PINK1: variants seen among roughly 807,000 people sequenced by gnomAD.
The protein encoded by PINK1 is PTEN induced kinase 1.
Under a neutral mutation model 56.0 loss-of-function variants are expected in PINK1, and 58 were observed. The observed-to-expected ratio is 1.04, with a 90% confidence interval of 0.84 to 1.29. PINK1 has a LOEUF of 1.29. Ranked by LOEUF, PINK1 falls within the 50% of genes most tolerant of loss-of-function variation. The pLI is 0.00. For missense variants in PINK1, 745 were observed against 777.9 expected (o/e 0.96, Z 0.50); for synonymous variants, 354 against 339.3 (o/e 1.04, Z -0.48).
At chr1:20,644,779 C>G (rs2053158028) in intron 4 of PINK1, 107 bp downstream of exon 4, 1 of 1,394,290 alleles carries the variant, frequency 7.2e-7, no homozygotes, top group Non-Finnish European at 9.8e-7. Flanking sequence ...AGAACAGGGT[C>G]ATCACCCTTC....
At chr1:20,634,071 G>T in intron 1 of PINK1, 136 bp downstream of exon 1, 3 of 1,052,128 alleles carry the variant, frequency 2.9e-6, no homozygotes, top group Non-Finnish European at 2.7e-6. Flanking sequence ...GGTCCTTAAA[G>T]CTCATCTATT....
chr1:20,639,814 G>A (rs1297156720), intron 2 of PINK1, 78 bp from the exon 3 acceptor site: 1 of 1,324,844 alleles, frequency 7.5e-7, no homozygotes, highest in Non-Finnish European at 1.1e-6. Context: ...CCCTGCTCCA[G>A]GTTACAGGCA....
chr1:20,651,243 A>AAAC lies in PINK1; in HGVS notation c.*553_*555dup, dbSNP rs1346017725. On this transcript the variant is annotated 3_prime_UTR_variant, in exon 8 of 8. Coordinates refer to ENST00000321556, the MANE Select transcript of PINK1 (RefSeq NM_032409.3). ...AGTAAGTAAGTAAGTGTGGGGATTT[A>AAAC]AACTTGAGGGTTTCCCTCCTGACTA... is the stretch of plus-strand genomic sequence containing the variant. 1 of 170,680 alleles carries AAAC rather than the reference A, an allele frequency of 5.9e-6. No homozygotes were observed. The highest frequency in any genetic ancestry group is 2.4e-5 in the African/African-American group (1 of 41,876). The allele number at this position is 170,680 out of a possible 1,614,324, so 10.6% of individuals were successfully genotyped here.
chr1:20,645,504 A>AG, intron 4 of PINK1, 56 bp from the exon 5 acceptor site: 1 of 1,517,242 alleles, frequency 6.6e-7, no homozygotes. Context: ...AAAAAAAAAA[A>AG]CGTATTGGGA....
rs555821412 is a variant in PINK1 at position 20,641,624 on chromosome 1, T to G, written c.776+1632T>G. Among the ~76,000 whole-genome samples, 1 of 152,268 alleles carries G rather than the reference T, an allele frequency of 6.6e-6. No homozygotes were observed. The highest frequency in any genetic ancestry group is 1.5e-5 in the Non-Finnish European group (1 of 68,022). ...ACATTACCTCAACTTCTGGTACACC[T>G]TGGGAGAAGCTTTCCCAAGAACACC... On this transcript the variant is annotated intron_variant, in intron 3 of 7. Coordinates refer to ENST00000321556, the MANE Select transcript of PINK1 (RefSeq NM_032409.3). The surrounding 1 kb of genome is among the most constrained non-coding windows in gnomAD (Gnocchi z 4.0).
At chr1:20,639,823 C>T in intron 2 of PINK1, 69 bp from the exon 3 acceptor site, 1 of 1,419,284 alleles carries the variant, frequency 7.0e-7, no homozygotes, top group South Asian at 1.2e-5. Context: ...AGGTTACAGG[C>T]AGGGCTTACA....
At chr1:20,637,577 C>T (rs1023898864) in intron 1 of PINK1, among the ~76,000 whole-genome samples, 5 of 152,128 alleles carry the variant, frequency 3.3e-5, no homozygotes, top group South Asian at 2.1e-4. Context: ...GGCTGCGGGA[C>T]GTGGGGTTTC....
intron 3 of PINK1, among the ~76,000 whole-genome samples, chr1:20,642,098 A>G (rs2053121280): frequency 6.6e-6 from 1 of 152,188 alleles, no homozygotes; most frequent in Non-Finnish European, 1.5e-5. Flanking sequence ...GCGCGTGGGC[A>G]CACGTGGACT....
rs1409388468 is a variant in PINK1, at chr1:20,651,431, A to C, written c.*740A>C. 6.6e-6 allele frequency: 1 copy of C among 152,560 alleles called. No individual in the cohort carries two copies. Among genetic ancestry groups the C allele is most frequent in the Non-Finnish European group, 1.5e-5 (1 of 68,356 alleles). The allele number at this position is 152,560 out of a possible 1,614,324, so 9.5% of individuals were successfully genotyped here. On this transcript the variant is annotated 3_prime_UTR_variant, in exon 8 of 8. Transcript: ENST00000321556. ...CATTGGGGAAGAGATTTCATGTCTAACTAACTAACTTTATACATGATTTTT... is the reference window on the plus strand; with the variant it reads ...CATTGGGGAAGAGATTTCATGTCTACCTAACTAACTTTATACATGATTTTT...
intron 1 of PINK1, among the ~76,000 whole-genome samples, chr1:20,637,555 G>A (rs2053068578): frequency 6.6e-6 from 1 of 152,224 alleles, no homozygotes; most frequent in South Asian, 2.1e-4. Context: ...AGGCAGCAAG[G>A]AGAGGTGCAC....
rs1255530845 is a variant in PINK1 at position 20,633,672 on chromosome 1, C to T, written c.124C>T (p.Arg42Cys). ...GCCGGGCCCGGCGGCGGGCTGTGTCCGCGGGGAGCGTCCAGGCTGGGCCGC... is the reference window on the plus strand; with the variant it reads ...GCCGGGCCCGGCGGCGGGCTGTGTCTGCGGGGAGCGTCCAGGCTGGGCCGC... ...GRPGPAAGCV[R>C]GERPGWAAGP... The change falls in exon 1 of 8, where the codon CGC (arginine) becomes TGC (cysteine). Residue 42 changes from arginine to cysteine, a missense_variant. Transcript: ENST00000321556. 3.6e-6 allele frequency: 5 copies of T among 1,385,230 alleles called. No homozygotes were observed. Among genetic ancestry groups the T allele is most frequent in the Non-Finnish European group, 4.6e-6 (5 of 1,078,146 alleles). 85.8% of individuals were successfully genotyped at this position (1,385,230 alleles called of 1,614,324 possible). A position where few individuals can be genotyped will look rare whatever the true frequency, so the allele number is the denominator to read the frequency against.
Position 20,650,959 on chromosome 1 carries a change from A to T in PINK1, c.*268A>T, listed in dbSNP as rs2320395. 1 of 507,968 alleles carries T rather than the reference A, an allele frequency of 2.0e-6. No homozygotes were observed. Among genetic ancestry groups the T allele is most frequent in the Middle Eastern group, 5.5e-4 (1 of 1,814 alleles). 31.5% of individuals were successfully genotyped at this position (507,968 alleles called of 1,614,324 possible). A position where few individuals can be genotyped will look rare whatever the true frequency, so the allele number is the denominator to read the frequency against. On this transcript the variant is annotated 3_prime_UTR_variant, in exon 8 of 8. Coordinates refer to ENST00000321556, the MANE Select transcript of PINK1 (RefSeq NM_032409.3). Reference sequence around the variant, plus strand: ...GAGGGGTAGGCCTGCATCCACAGAGAGGATCCAGGCCAAGGCACTGGCTGT... The same window carrying T: ...GAGGGGTAGGCCTGCATCCACAGAGTGGATCCAGGCCAAGGCACTGGCTGT...
Position 20,644,592 on chromosome 1 carries a change from C to G in PINK1, c.879C>G (p.Val293=). Residue 293 remains valine (V), a synonymous_variant, in exon 4 of 8, where the codon GTC becomes GTG. Transcript: ENST00000321556. ...TGCCGCTGCTGCCAGGGGCCCTGGT[C>G]GACTACCCTGATGTGCTGCCCTCAC... ...SSVPLLPGAL[V]DYPDVLPSRL... 6.2e-7 allele frequency: 1 copy of G among 1,614,208 alleles called. No individual in the cohort carries two copies. Among genetic ancestry groups the G allele is most frequent in the Non-Finnish European group, 8.5e-7 (1 of 1,180,044 alleles).
intron 2 of PINK1, chr1:20,638,659 C>CAA: frequency 5.0e-6 from 1 of 201,132 alleles, no homozygotes; most frequent in Non-Finnish European, 1.0e-5. Context: ...AACAAACAAA[C>CAA]AAAAAAAACC....
chr1:20,641,292 A>G lies in PINK1; in HGVS notation c.776+1300A>G, dbSNP rs2053113806. Among the ~76,000 whole-genome samples the G allele has an allele frequency of 6.6e-6, 1 of 152,080 alleles. No individual in the cohort carries two copies. Among genetic ancestry groups the G allele is most frequent in the Admixed American group, 6.5e-5 (1 of 15,274 alleles). On this transcript the variant is annotated intron_variant, in intron 3 of 7. Transcript: ENST00000321556. The surrounding 1 kb of genome is among the most constrained non-coding windows in gnomAD (Gnocchi z 4.0). Reference sequence around the variant, plus strand: ...CTTTTTGGAGAAAGTGGACACCTGAATGTCAGCTGCTTTGGGGCTAACATG... The same window carrying G: ...CTTTTTGGAGAAAGTGGACACCTGAGTGTCAGCTGCTTTGGGGCTAACATG...
chr1:20,644,573 T>G lies in PINK1; in HGVS notation c.860T>G (p.Leu287Arg), dbSNP rs1240948632. The change falls in exon 4 of 8, where the codon CTG becomes CGG. Residue 287 changes from leucine to arginine, a missense_variant. Transcript: ENST00000321556. ...CGCGCCTTCACCTCTTCCGTGCCGCTGCTGCCAGGGGCCCTGGTCGACTAC... is the reference window on the plus strand; with the variant it reads ...CGCGCCTTCACCTCTTCCGTGCCGCGGCTGCCAGGGGCCCTGGTCGACTAC... ...VLRAFTSSVP[L>R]LPGALVDYPD... 1 of 1,614,148 alleles carries G rather than the reference T, an allele frequency of 6.2e-7. No individual in the cohort carries two copies. The highest frequency in any genetic ancestry group is 8.5e-7 in the Non-Finnish European group (1 of 1,180,056).
chr1:20,634,063 T>G (rs1430464012), intron 1 of PINK1, 128 bp downstream of exon 1: 2 of 1,108,260 alleles, frequency 1.8e-6, no homozygotes, highest in Non-Finnish European at 2.6e-6. Context: ...GAGGCGAGGG[T>G]CCTTAAAGCT....
intron 7 of PINK1, 156 bp downstream of exon 7, chr1:20,649,387 G>A: frequency 2.8e-6 from 2 of 703,846 alleles, no homozygotes; most frequent in Non-Finnish European, 4.8e-6. Flanking sequence ...AGATTTTAAT[G>A]TAGGTAGGAG....
intron 1 of PINK1, among the ~76,000 whole-genome samples, chr1:20,634,876 C>A (rs1161136706): frequency 6.6e-6 from 1 of 152,212 alleles, no homozygotes; most frequent in Non-Finnish European, 1.5e-5. Context: ...CCCAAGGACA[C>A]AGCTGTTAGG....
Sources: gnomAD v4.1 joint callset for allele counts (sites outside exome capture counted in the v4.1 genomes callset) on GRCh38, gnomAD v4.1.1 for gene constraint, Gnocchi (gnomAD v3.1) non-coding constraint, MANE v1.5 for transcripts, NCBI Gene and HGNC (gene_info 2026-07-23, HGNC 2026-07-21) for gene names.